The following NTRK3 variants were observed in gnomAD, a reference collection of about 807,000 sequenced individuals.
NTRK3 encodes NT-3 growth factor receptor.
In NTRK3, 24 loss-of-function variants were observed where a neutral mutation model predicts 91.7. The observed-to-expected ratio is 0.26, with a 90% CI of 0.19 to 0.37. NTRK3 has a LOEUF of 0.37. NTRK3 is among the 10% of genes least tolerant of loss of function. The probability of loss-of-function intolerance (pLI) is 1.00; values close to 1 mark genes in which losing one functional copy is unlikely to be tolerated. For missense variants in NTRK3, 880 were observed against 1,068.9 expected, an observed-to-expected ratio of 0.82 and a Z score of 2.46; for synonymous variants, 483 against 404.0, an observed-to-expected ratio of 1.20 and a Z score of -2.34.
At chr15:88,046,922 C>T (rs765542039) in intron 13 of NTRK3, among the ~76,000 whole-genome samples, 10 of 152,240 alleles carry the variant, frequency 6.6e-5, no homozygotes, top group Middle Eastern at 3.4e-3. Flanking sequence ...GAAATAACAC[C>T]GCATCAGTTC....
chr15:88,014,922 G>C (rs2077122900), intron 14 of NTRK3, among the ~76,000 whole-genome samples: 1 of 152,216 alleles, frequency 6.6e-6, no homozygotes, highest in Non-Finnish European at 1.5e-5. Flanking sequence ...AGAAATGTTA[G>C]TCTCCAAATC....
chr15:88,151,607 C>T (rs1429257088), intron 5 of NTRK3, among the ~76,000 whole-genome samples: 1 of 152,218 alleles, frequency 6.6e-6, no homozygotes, highest in African/African-American at 2.4e-5. Flanking sequence ...GTCAATAAGA[C>T]GGACCCTGTT....
chr15:88,251,500 T>C (rs2053368479), intron 3 of NTRK3, among the ~76,000 whole-genome samples: 7 of 152,236 alleles, frequency 4.6e-5, no homozygotes, highest in Admixed American at 4.6e-4. Flanking sequence ...ACCAGCCAAC[T>C]GGAGGCCCCG....
intron 15 of NTRK3, among the ~76,000 whole-genome samples, chr15:87,940,227 C>G (rs554487333): frequency 7.9e-5 from 12 of 152,284 alleles, no homozygotes; most frequent in South Asian, 2.1e-4. Flanking sequence ...AATCAGCCTG[C>G]TCTACAACAG....
chr15:88,229,557 C>T (rs2050989896), intron 3 of NTRK3, among the ~76,000 whole-genome samples: 1 of 152,196 alleles, frequency 6.6e-6, no homozygotes, highest in Non-Finnish European at 1.5e-5. Context: ...CTGCAACTAA[C>T]ACAGTCTGTC....
chr15:87,991,458 C>T (rs552778929), intron 14 of NTRK3, among the ~76,000 whole-genome samples: 36 of 152,312 alleles, frequency 2.4e-4, no homozygotes, highest in African/African-American at 7.9e-4. Flanking sequence ...CATTAATGTC[C>T]ATCTCCTGTG....
rs140248944 is a variant in NTRK3, at chr15:88,088,676, G to A, written c.1396+37595C>T. Among the ~76,000 whole-genome samples, 1,343 of 152,254 alleles carry A rather than the reference G, an allele frequency of 8.8e-3. 9 individuals are homozygous for A. The highest frequency in any genetic ancestry group is 0.013 in the Non-Finnish European group (855 of 68,028). ...AACAATTATTTTTAAAGCTGCAAGA[G>A]TGCAGAAGCTGTCAGACCAAATGTG... On this transcript the variant is annotated intron_variant, in intron 13 of 18. Coordinates refer to ENST00000394480, the Ensembl canonical transcript of NTRK3.
rs118068334 is a variant in NTRK3, at chr15:87,935,615, G to A, written c.1717-2431C>T. On this transcript the variant is annotated intron_variant, in intron 15 of 18. Transcript: ENST00000394480. ...AAACTGAACCCAGCATGGGTGGGAT[G>A]GGAGAATACAAAGATTTATGTGAAT... is the stretch of plus-strand genomic sequence containing the variant. 4.6e-5 allele frequency among the ~76,000 whole-genome samples: 7 copies of A among 152,264 alleles called. No homozygotes were observed. The East Asian group carries it at 9.7e-4, about 21-fold the overall frequency.
rs148583485 is a variant in NTRK3 at position 88,085,002 on chromosome 15, A to G, written c.1396+41269T>C. 1.8e-4 allele frequency among the ~76,000 whole-genome samples: 28 copies of G among 152,334 alleles called. No homozygotes were observed. The East Asian group carries it at 4.8e-3, about 26-fold the overall frequency. ...CAGGGACTGATTTGACTGGTCCCTC[A>G]AGAGCAAGAAGAGAGTTTAGCATGA... is the stretch of plus-strand genomic sequence containing the variant. On this transcript the variant is annotated intron_variant, in intron 13 of 18. Transcript: ENST00000394480.
At chr15:87,982,046 C>T (rs1206279917) in intron 14 of NTRK3, among the ~76,000 whole-genome samples, 1 of 152,198 alleles carries the variant, frequency 6.6e-6, no homozygotes, top group Non-Finnish European at 1.5e-5. Flanking sequence ...TTTGTGGGCC[C>T]TGGAAAGATC....
chr15:88,094,846 C>T (rs965233053), intron 13 of NTRK3, among the ~76,000 whole-genome samples: 23 of 152,192 alleles, frequency 1.5e-4, no homozygotes, highest in Non-Finnish European at 2.9e-5. Context: ...TTTCCTGTTG[C>T]TGTCAATTAT....
chr15:88,071,411 T>A (rs542688827), intron 13 of NTRK3, among the ~76,000 whole-genome samples: 1 of 152,378 alleles, frequency 6.6e-6, no homozygotes, highest in Non-Finnish European at 1.5e-5. Context: ...TTCCAGTGTG[T>A]CAGTCTCACT....
At chr15:88,231,468 TACACAC>T (rs147875811) in intron 3 of NTRK3, among the ~76,000 whole-genome samples, 12 of 149,282 alleles carry the variant, frequency 8.0e-5, no homozygotes, top group Non-Finnish European at 1.6e-4. Context: ...TATATGTAAA[TACACAC>T]ACACACACAC....
chr15:87,868,728 G>T (rs774703914), exon 19 of NTRK3: 46 of 221,378 alleles, frequency 2.1e-4, no homozygotes, highest in Non-Finnish European at 3.9e-4. Context: ...CCACAATGTG[G>T]AATTATAGAG....
At chr15:87,969,531 G>C (rs1323126279) in intron 14 of NTRK3, among the ~76,000 whole-genome samples, 1 of 152,266 alleles carries the variant, frequency 6.6e-6, no homozygotes, top group South Asian at 2.1e-4. Context: ...CTAAATAATG[G>C]CCATAAACTA....
intron 5 of NTRK3, among the ~76,000 whole-genome samples, chr15:88,155,538 A>T (rs2043809848): frequency 6.6e-6 from 1 of 152,234 alleles, no homozygotes; most frequent in African/African-American, 2.4e-5. Context: ...GCAATGAGCA[A>T]CTAATAGGGC....
intron 13 of NTRK3, among the ~76,000 whole-genome samples, chr15:88,091,300 C>T (rs2048992912): frequency 6.6e-6 from 1 of 152,190 alleles, no homozygotes; most frequent in Non-Finnish European, 1.5e-5. Context: ...GCAGGAATGG[C>T]AAATGTATGT....
intron 14 of NTRK3, among the ~76,000 whole-genome samples, chr15:87,955,235 A>G (rs11631508): frequency 0.28 from 42,879 of 152,144 alleles, 6,478 homozygotes; most frequent in South Asian, 0.44. Context: ...TATAAATTCA[A>G]AGGTCCTCCC....
chr15:88,080,956 A>G (rs1597186930), intron 13 of NTRK3, among the ~76,000 whole-genome samples: 1 of 152,366 alleles, frequency 6.6e-6, no homozygotes, highest in Middle Eastern at 3.4e-3. Context: ...GTGCCACTAC[A>G]TGGCAGCTTA....
Sources: gnomAD v4.1 joint callset for allele counts (sites outside exome capture counted in the v4.1 genomes callset) on GRCh38, gnomAD v4.1.1 for gene constraint, MANE v1.5 for transcripts, NCBI Gene and HGNC (gene_info 2026-07-23, HGNC 2026-07-21) for gene names.